Variants in KCNMA1 observed in about 807,000 individuals in gnomAD.
KCNMA1 encodes the protein potassium calcium-activated channel subfamily M alpha 1, also known as Calcium-activated potassium channel subunit alpha-1.
A neutral mutation model predicts 140.0 loss-of-function variants in KCNMA1; 29 were observed. That is an observed-to-expected ratio of 0.21 (90% confidence interval 0.15 to 0.28). KCNMA1 has a LOEUF of 0.28. Ranked by LOEUF, KCNMA1 falls within the 10% of genes least tolerant of loss-of-function variation. KCNMA1 has a pLI of 1.00. For synonymous variants in KCNMA1, 612 were observed against 611.9 expected, an observed-to-expected ratio of 1.00 and a Z score of 0.00; for missense variants, 880 against 1,602.2, an observed-to-expected ratio of 0.55 and a Z score of 7.70.
intron 2 of KCNMA1, among the ~76,000 whole-genome samples, chr10:77,267,327 C>T (rs1342198697): frequency 6.6e-6 from 1 of 152,150 alleles, no homozygotes; most frequent in Non-Finnish European, 1.5e-5. Flanking sequence ...GAGGCATCTC[C>T]ATTCTAAAGG....
intron 3 of KCNMA1, among the ~76,000 whole-genome samples, chr10:77,229,513 C>T (rs771195843): frequency 6.6e-6 from 1 of 152,202 alleles, no homozygotes; most frequent in Non-Finnish European, 1.5e-5. Flanking sequence ...AGGAGCTTCA[C>T]TCATCTCTTC....
chr10:77,621,545 CA>C (rs202127988), intron 1 of KCNMA1, among the ~76,000 whole-genome samples: 2,038 of 151,934 alleles, frequency 0.013, 39 homozygotes, highest in African/African-American at 0.046. Flanking sequence ...CACACACACA[CA>C]CCCCTCTCTC....
chr10:77,008,144 G>C, intron 18 of KCNMA1: 2 of 1,524,880 alleles, frequency 1.3e-6, no homozygotes, highest in Non-Finnish European at 1.8e-6. Context: ...GAAAGACAGG[G>C]GGAACTGGAC....
intron 14 of KCNMA1, chr10:77,063,687 A>T: frequency 1.0e-6 from 1 of 952,552 alleles, no homozygotes; most frequent in Non-Finnish European, 1.2e-6. Flanking sequence ...AGGAAATCTG[A>T]TATTTTATTC....
intron 1 of KCNMA1, among the ~76,000 whole-genome samples, chr10:77,583,169 G>A (rs139107202): frequency 1.0e-3 from 157 of 152,276 alleles, no homozygotes; most frequent in African/African-American, 3.5e-3. Flanking sequence ...AGCTCTGCCT[G>A]CTCTTCCCTG....
chr10:76,979,717 G>A (rs1224491418), intron 19 of KCNMA1: 1 of 152,086 alleles, frequency 6.6e-6, no homozygotes. Context: ...GGCTCATCCG[G>A]AAATACCATA....
chr10:77,219,316 A>T (rs935326974), intron 3 of KCNMA1, among the ~76,000 whole-genome samples: 1 of 152,186 alleles, frequency 6.6e-6, no homozygotes, highest in African/African-American at 2.4e-5. Context: ...TCTTTGAAGC[A>T]CTATTACCAG....
At chr10:77,035,082 C>T (rs2094227402) in intron 15 of KCNMA1, among the ~76,000 whole-genome samples, 1 of 152,098 alleles carries the variant, frequency 6.6e-6, no homozygotes, top group Non-Finnish European at 1.5e-5. Context: ...TATCAGTTTC[C>T]CCCAAAAAAA....
intron 2 of KCNMA1, among the ~76,000 whole-genome samples, chr10:77,365,007 A>G (rs577971594): frequency 1.3e-5 from 2 of 152,316 alleles, no homozygotes; most frequent in South Asian, 2.1e-4. Context: ...AAAAATTAGG[A>G]AACAAGGGGG....
chr10:76,946,531 A>C (rs1281329207), intron 22 of KCNMA1, among the ~76,000 whole-genome samples: 2 of 152,166 alleles, frequency 1.3e-5, no homozygotes, highest in Non-Finnish European at 2.9e-5. Context: ...CTCAGGCCCT[A>C]AAATATTGTG....
chr10:77,071,854 C>T (rs951503276), intron 14 of KCNMA1, among the ~76,000 whole-genome samples: 3 of 152,252 alleles, frequency 2.0e-5, no homozygotes, highest in East Asian at 1.9e-4. Context: ...TACATAATGC[C>T]GATTTGGCAG....
intron 1 of KCNMA1, among the ~76,000 whole-genome samples, chr10:77,444,638 G>A (rs1032293963): frequency 3.9e-5 from 6 of 152,062 alleles, no homozygotes; most frequent in African/African-American, 2.4e-5. Flanking sequence ...ATGTTGAGAC[G>A]GGGGCTGTCC....
intron 14 of KCNMA1, among the ~76,000 whole-genome samples, chr10:77,054,013 C>G (rs902655676): frequency 3.3e-5 from 5 of 152,156 alleles, no homozygotes; most frequent in African/African-American, 1.2e-4. Flanking sequence ...CACAACCCCC[C>G]TCACACTTCA....
At chr10:77,138,530 C>T (rs528270432) in intron 5 of KCNMA1, among the ~76,000 whole-genome samples, 46 of 152,308 alleles carry the variant, frequency 3.0e-4, no homozygotes, top group Non-Finnish European at 4.9e-4. Flanking sequence ...GAGCCCCACA[C>T]GGGTCTTCCT....
At chr10:77,549,142 G>C (rs952531523) in intron 1 of KCNMA1, among the ~76,000 whole-genome samples, 1 of 152,140 alleles carries the variant, frequency 6.6e-6, no homozygotes, top group Admixed American at 6.5e-5. Context: ...CCATCACAGA[G>C]AGTCCTCAAC....
chr10:77,107,207 A>G (rs893142407), intron 9 of KCNMA1, among the ~76,000 whole-genome samples: 1 of 152,232 alleles, frequency 6.6e-6, no homozygotes, highest in Non-Finnish European at 1.5e-5. Context: ...TAAAAAAACA[A>G]AAGAAGCTCT....
intron 3 of KCNMA1, among the ~76,000 whole-genome samples, chr10:77,226,588 C>G (rs569578070): frequency 6.6e-6 from 1 of 152,054 alleles, no homozygotes. Flanking sequence ...ATTTCTTACT[C>G]GGAAAATCAT....
intron 1 of KCNMA1, among the ~76,000 whole-genome samples, chr10:77,421,189 G>A (rs2096859000): frequency 6.6e-6 from 1 of 152,174 alleles, no homozygotes; most frequent in Admixed American, 6.5e-5. Flanking sequence ...CTAATTCAGG[G>A]ATCTGCATGT....
chr10:77,369,999 G>A (rs11002139), intron 2 of KCNMA1, among the ~76,000 whole-genome samples: 31,904 of 152,126 alleles, frequency 0.21, 4,195 homozygotes, highest in Non-Finnish European at 0.3. Context: ...TGGCTCCTTG[G>A]AAATGTTAAA....
Sources: allele counts gnomAD v4.1 joint callset (sites outside exome capture counted in the v4.1 genomes callset), GRCh38; gene constraint gnomAD v4.1.1; transcripts MANE v1.5; gene names NCBI Gene and HGNC (gene_info 2026-07-23, HGNC 2026-07-21).